FAM81A: variants seen among roughly 807,000 people sequenced by gnomAD.
FAM81A encodes family with sequence similarity 81 member A, also known as protein FAM81A.
Under a neutral mutation model 46.7 loss-of-function variants are expected in FAM81A, and 19 were observed. The ratio of observed to expected loss-of-function variants is 0.41; its 90% CI spans 0.28 to 0.60. The LOEUF is 0.60. FAM81A is among the 20% of genes least tolerant of loss of function. FAM81A has a pLI of 0.34. For synonymous variants in FAM81A, 183 were observed against 152.9 expected, an observed-to-expected ratio of 1.20 and a Z score of -1.45; for missense variants, 377 against 453.5, an observed-to-expected ratio of 0.83 and a Z score of 1.53.
intron 2 of FAM81A, among the ~76,000 whole-genome samples, chr15:59,433,085 T>A (rs2081227787): frequency 7.7e-6 from 1 of 130,138 alleles, no homozygotes; most frequent in African/African-American, 3.0e-5. Flanking sequence ...GAATTTGCAG[T>A]GAGCCAAGAT....
intron 5 of FAM81A, among the ~76,000 whole-genome samples, chr15:59,508,482 G>A (rs2082171638): frequency 6.6e-6 from 1 of 152,268 alleles, no homozygotes; most frequent in African/African-American, 2.4e-5. Context: ...AGACCTTGAT[G>A]GATTTTGTAA....
chr15:59,456,476 A>G (rs1449945960), intron 1 of FAM81A, among the ~76,000 whole-genome samples: 3 of 152,096 alleles, frequency 2.0e-5, no homozygotes, highest in South Asian at 2.1e-4. Flanking sequence ...CATTCTCATC[A>G]GTTCTTCCTG....
chr15:59,450,309 A>G (rs1430562232), intron 1 of FAM81A, among the ~76,000 whole-genome samples: 2 of 152,038 alleles, frequency 1.3e-5, no homozygotes, highest in African/African-American at 2.4e-5. Context: ...TTGCCTAATG[A>G]TGGGCGTTCA....
chr15:59,448,588 T>C (rs1313765262), intron 1 of FAM81A, among the ~76,000 whole-genome samples: 1 of 135,392 alleles, frequency 7.4e-6, no homozygotes, highest in African/African-American at 2.9e-5. Flanking sequence ...CCTTGGTGGG[T>C]TTTTTTTTTC....
chr15:59,459,103 C>T (rs78755765), intron 2 of FAM81A, among the ~76,000 whole-genome samples: 1,935 of 152,268 alleles, frequency 0.013, 35 homozygotes, highest in African/African-American at 0.045. Flanking sequence ...CTTAGGTGAT[C>T]TCCCACCTAG....
chr15:59,459,903 A>G (rs1362793485), intron 2 of FAM81A, 30 bp from the exon 3 acceptor site: 3 of 1,534,104 alleles, frequency 2.0e-6, no homozygotes, highest in Admixed American at 2.3e-5. Flanking sequence ...TTTTTTCCCA[A>G]TTAACAACCC....
At chr15:59,447,213 G>T (rs1437895941) in intron 1 of FAM81A, among the ~76,000 whole-genome samples, 2 of 152,168 alleles carry the variant, frequency 1.3e-5, no homozygotes, top group Admixed American at 6.5e-5. Flanking sequence ...GGATTTCTGG[G>T]TTGCTGAGGT....
At position 59,401,873 on chromosome 15, in the gene FAM81A, A is replaced by G; in HGVS notation, c.-160-403A>G. 6 of 762,188 alleles carry G rather than the reference A, an allele frequency of 7.9e-6. No individual in the cohort carries two copies. In the South Asian group the frequency reaches 8.3e-5, roughly 11 times the overall value. 47.2% of individuals were successfully genotyped at this position (762,188 alleles called of 1,614,324 possible). On this transcript the variant is annotated intron_variant, in intron 1 of 4. Coordinates refer to the FAM81A transcript ENST00000558348. ...GTTTATGGTAAGGCTTAGCCTTGAG[A>G]CCAATCATTTTCTTTGCCTTCTTTG...
chr15:59,515,054 G>A (rs561074252), intron 7 of FAM81A, among the ~76,000 whole-genome samples: 1 of 152,138 alleles, frequency 6.6e-6, no homozygotes, highest in South Asian at 2.1e-4. Context: ...AGACCAGCCT[G>A]GGAAACATGG....
At chr15:59,519,472 T>TTTCC (rs1188676232) in intron 8 of FAM81A, among the ~76,000 whole-genome samples, 26 of 96,938 alleles carry the variant, frequency 2.7e-4, no homozygotes, top group East Asian at 1.9e-3. Context: ...CCCTCCCTCC[T>TTTCC]TTCCTTCCTT....
chr15:59,462,499 A>G (rs1355041076), intron 3 of FAM81A, among the ~76,000 whole-genome samples: 3 of 151,922 alleles, frequency 2.0e-5, no homozygotes, highest in South Asian at 2.1e-4. Context: ...TTAAAGTTAG[A>G]TTTTCTTCAT....
rs2141599163 is a variant in FAM81A, at chr15:59,446,241, T to A, written c.-78+7959T>A. On this transcript the variant is annotated intron_variant, in intron 1 of 8. Transcript: ENST00000288228. The stretch of plus-strand genomic sequence containing the variant: ...TTCAAATAACAATAGAAGATTTAAA[T>A]AGCATTTCAAAATAGCTGTTATTAA... 2.0e-5 allele frequency among the ~76,000 whole-genome samples: 3 copies of A among 152,358 alleles called. 1 individual carries two copies. In the South Asian group the frequency reaches 6.2e-4, roughly 32 times the overall value.
At chr15:59,497,625 G>A (rs1238701433) in intron 4 of FAM81A, among the ~76,000 whole-genome samples, 1 of 152,096 alleles carries the variant, frequency 6.6e-6, no homozygotes, top group Non-Finnish European at 1.5e-5. Context: ...GGAGGCCAAG[G>A]TAGGAGGATT....
chr15:59,478,461 A>G (rs1567061358), intron 3 of FAM81A, among the ~76,000 whole-genome samples: 1 of 152,194 alleles, frequency 6.6e-6, no homozygotes, highest in Non-Finnish European at 1.5e-5. Context: ...AGTGATGTTA[A>G]CATGTAGTCG....
intron 2 of FAM81A, among the ~76,000 whole-genome samples, chr15:59,426,634 C>G (rs1049697370): frequency 1.3e-5 from 2 of 152,212 alleles, no homozygotes; most frequent in African/African-American, 2.4e-5. Flanking sequence ...AACAAACAAA[C>G]AAAGAAATAC....
At chr15:59,479,165 T>A (rs2081812892) in intron 3 of FAM81A, among the ~76,000 whole-genome samples, 1 of 152,148 alleles carries the variant, frequency 6.6e-6, no homozygotes, top group Non-Finnish European at 1.5e-5. Flanking sequence ...TGTTAGCTGA[T>A]GTCAAGTGCT....
At chr15:59,466,818 CTAGGGTTTT>C (rs1444777365) in intron 3 of FAM81A, among the ~76,000 whole-genome samples, 1 of 152,148 alleles carries the variant, frequency 6.6e-6, no homozygotes, top group African/African-American at 2.4e-5. Context: ...TAGGTTTCTT[CTAGGGTTTT>C]TAGGGTTTTT....
At position 59,474,099 on chromosome 15, in the gene FAM81A, G is replaced by A. The variant is rs1197268003; in HGVS notation, c.294+13893G>A. 2.6e-5 allele frequency among the ~76,000 whole-genome samples: 4 copies of A among 152,170 alleles called. 1 individual carries two copies. In the South Asian group the frequency reaches 8.3e-4, roughly 32 times the overall value. ...CATGCCCCCAGTTTCCTTTCCCTCA[G>A]TGTATCCTGGACACTGAACTCGTGC... On this transcript the variant is annotated intron_variant, in intron 3 of 8. Transcript: ENST00000288228.
At chr15:59,482,376 C>A (rs2141717828) in intron 3 of FAM81A, among the ~76,000 whole-genome samples, 1 of 152,334 alleles carries the variant, frequency 6.6e-6, no homozygotes, top group South Asian at 2.1e-4. Flanking sequence ...CCAAGCAATT[C>A]TCCTGCCTCA....
Sources: allele counts gnomAD v4.1 joint callset (sites outside exome capture counted in the v4.1 genomes callset), GRCh38; gene constraint gnomAD v4.1.1; transcripts MANE v1.5; gene names NCBI Gene and HGNC (gene_info 2026-07-23, HGNC 2026-07-21).